The following WASHC4 variants were observed in gnomAD, a reference collection of about 807,000 sequenced individuals.
WASHC4 encodes the protein WASH complex subunit 7.
WASHC4 carries 86 observed loss-of-function variants against 166.6 expected under a neutral mutation model. The ratio of observed to expected loss-of-function variants is 0.52; its 90% confidence interval spans 0.43 to 0.62. WASHC4 has a LOEUF of 0.62. Among genes scored for constraint, WASHC4 ranks in the 20% least tolerant of loss-of-function variants. WASHC4 has a pLI of 0.00. For synonymous variants in WASHC4, 446 were observed against 451.6 expected (o/e 0.99, Z 0.16); for missense variants, 1,262 against 1,382.4 (o/e 0.91, Z 1.38).
At position 105,114,427 on chromosome 12, in the gene WASHC4, G is replaced by T; in HGVS notation, c.321G>T (p.Glu107Asp). 6.4e-7 allele frequency: 1 copy of T among 1,565,966 alleles called. No homozygotes were observed. Among genetic ancestry groups the T allele is most frequent in the South Asian group, 1.1e-5 (1 of 87,848 alleles). Residue 107 changes from glutamate (E) to aspartate (D), a missense_variant and splice_region_variant, in exon 4 of 33, where the codon GAG becomes GAT. Physicochemically the swap from Glu to Asp is conservative, Grantham distance 45. Transcript: ENST00000332180. ...LCCEIKKLKY[E>D]AETKFYNGLL... Reference sequence around the variant, plus strand: ...GTGAAATCAAGAAATTAAAATATGAGGTAATTATTTGAATTCTTGTCTTAA... The same window carrying T: ...GTGAAATCAAGAAATTAAAATATGATGTAATTATTTGAATTCTTGTCTTAA...
At chr12:105,119,609 C>T (rs1469980544) in intron 7 of WASHC4, among the ~76,000 whole-genome samples, 1 of 152,122 alleles carries the variant, frequency 6.6e-6, no homozygotes, top group East Asian at 1.9e-4. Flanking sequence ...GCTCTCATGG[C>T]AGGAGAGAAT....
chr12:105,122,280 T>C (rs1477015842), intron 10 of WASHC4, 42 bp downstream of exon 10: 1 of 1,597,452 alleles, frequency 6.3e-7, no homozygotes, highest in Admixed American at 1.7e-5. Flanking sequence ...GGGCTCATAT[T>C]AGACGACAAA....
rs913447477 is a variant in WASHC4 at position 105,167,853 on chromosome 12, T to TA, written c.*929dup. 5 of 152,608 alleles carry TA rather than the reference T, an allele frequency of 3.3e-5. No individual in the cohort carries two copies. Among genetic ancestry groups the TA allele is most frequent in the Admixed American group, 2.6e-4 (4 of 15,282 alleles). 9.5% of individuals were successfully genotyped at this position (152,608 alleles called of 1,614,324 possible). A position where few individuals can be genotyped will look rare whatever the true frequency, so the allele number is the denominator to read the frequency against. On this transcript the variant is annotated 3_prime_UTR_variant, in exon 33 of 33. Coordinates refer to ENST00000332180, the MANE Select transcript of WASHC4 (RefSeq NM_015275.3). ...TAAATAATTACACTGTTCAGGCTTT[T>TA]AAAAAAATACCACTGTGAGAATAAA...
chr12:105,109,649 CTTTTTTTT>C (rs36080234), intron 1 of WASHC4, among the ~76,000 whole-genome samples: 2 of 97,624 alleles, frequency 2.0e-5, no homozygotes, highest in East Asian at 2.8e-4. Flanking sequence ...CTAGCATTGT[CTTTTTTTT>C]TTTTTTTTTT....
intron 28 of WASHC4, among the ~76,000 whole-genome samples, chr12:105,159,733 C>T (rs1319636898): frequency 1.3e-5 from 2 of 152,124 alleles, no homozygotes; most frequent in African/African-American, 4.8e-5. Context: ...GTTCTACAGG[C>T]CTCACTGTGG....
chr12:105,118,796 A>G (rs1880440682), intron 7 of WASHC4, among the ~76,000 whole-genome samples: 1 of 152,170 alleles, frequency 6.6e-6, no homozygotes, highest in Admixed American at 6.5e-5. Flanking sequence ...ACATGGAATT[A>G]GTACATGTTC....
intron 13 of WASHC4, among the ~76,000 whole-genome samples, chr12:105,132,862 T>A (rs1486738605): frequency 6.6e-6 from 1 of 151,056 alleles, no homozygotes; most frequent in Non-Finnish European, 1.5e-5. Context: ...TGTCATGTAG[T>A]AAGCATTCAA....
At chr12:105,145,629 G>A (rs1168868540) in intron 22 of WASHC4, among the ~76,000 whole-genome samples, 1 of 152,034 alleles carries the variant, frequency 6.6e-6, no homozygotes, top group South Asian at 2.1e-4. Context: ...GGAATACAAA[G>A]ATAAATATAA....
At position 105,166,952 on chromosome 12, in the gene WASHC4, C is replaced by T. The variant is rs1404970892; in HGVS notation, c.*21C>T. 2 of 1,517,316 alleles carry T rather than the reference C, an allele frequency of 1.3e-6. No individual in the cohort carries two copies. The highest frequency in any genetic ancestry group is 1.1e-5 in the South Asian group (1 of 89,322). The allele number at this position is 1,517,316 out of a possible 1,614,324, so 94.0% of individuals were successfully genotyped here. A position where few individuals can be genotyped will look rare whatever the true frequency, so the allele number is the denominator to read the frequency against. On this transcript the variant is annotated 3_prime_UTR_variant, in exon 33 of 33. Transcript: ENST00000332180. ...AATGATACGGATGGTATTCACTGCA[C>T]ATATGATGAAATCATCAGAATTGTT...
chr12:105,141,698 GCTTT>G (rs1454133713), intron 18 of WASHC4, among the ~76,000 whole-genome samples: 1 of 152,078 alleles, frequency 6.6e-6, no homozygotes, highest in Non-Finnish European at 1.5e-5. Flanking sequence ...GCTCCTTCTG[GCTTT>G]CTTGTTTTCT....
chr12:105,114,434 A>G lies in WASHC4; in HGVS notation c.321+7A>G. On this transcript the variant is annotated splice_region_variant and intron_variant, in intron 4 of 32. Transcript: ENST00000332180. ...CAAGAAATTAAAATATGAGGTAATT[A>G]TTTGAATTCTTGTCTTAAAACTTTA... 2 of 1,550,706 alleles carry G rather than the reference A, an allele frequency of 1.3e-6. No individual in the cohort carries two copies. The highest frequency in any genetic ancestry group is 1.8e-6 in the Non-Finnish European group (2 of 1,133,780).
At chr12:105,119,011 A>C (rs1880464512) in intron 7 of WASHC4, among the ~76,000 whole-genome samples, 1 of 152,246 alleles carries the variant, frequency 6.6e-6, no homozygotes, top group South Asian at 2.1e-4. Context: ...TATTTAAATT[A>C]AAAAAGGGAA....
chr12:105,115,224 A>G lies in WASHC4; in HGVS notation c.362A>G (p.Glu121Gly), dbSNP rs774909714. The part of the protein sequence containing the change: ...KFYNGLLFYG[E>G]GATDASMVEG... ...TACAATGGTCTCTTGTTTTATGGAG[A>G]AGGAGGTAAGTTTAAAATTCCAAAT... The change falls in exon 5 of 33, where the codon GAA (glutamate) becomes GGA (glycine). Residue 121 changes from glutamate (E) to glycine (G), a missense_variant. By Grantham distance (98) the Glu-to-Gly change is moderately conservative. Coordinates refer to ENST00000332180, the MANE Select transcript of WASHC4 (RefSeq NM_015275.3). 6.4e-7 allele frequency: 1 copy of G among 1,557,770 alleles called. No individual in the cohort carries two copies. The highest frequency in any genetic ancestry group is 8.9e-7 in the Non-Finnish European group (1 of 1,129,712).
chr12:105,139,425 G>GTGTGTGTGTATATA, intron 15 of WASHC4, among the ~76,000 whole-genome samples: 41 of 103,220 alleles, frequency 4.0e-4, no homozygotes, highest in African/African-American at 1.5e-3. Context: ...ATGTGTGTGT[G>GTGTGTGTGTATATA]TATATATATA....
chr12:105,146,715 A>G (rs1172792872), intron 23 of WASHC4, among the ~76,000 whole-genome samples, 189 bp downstream of exon 23: 8 of 152,106 alleles, frequency 5.3e-5, no homozygotes. Flanking sequence ...TTAGGACAAG[A>G]AGTGTTTTGG....
At position 105,122,214 on chromosome 12, in the gene WASHC4, A is replaced by G. The variant is rs767720569; in HGVS notation, c.762A>G (p.Gln254=). The stretch of plus-strand genomic sequence containing the variant: ...AGTTCTTGCTGAAGCTAGAAGGGCA[A>G]TTACTGGATGGAATGATATTCCAGG... The part of the protein sequence containing the change: ...FEKFLLKLEG[Q]LLDGMIFQAC... The change falls in exon 10 of 33, where the codon CAA becomes CAG. Residue 254 remains glutamine, a synonymous_variant. Transcript: ENST00000332180. The G allele has an allele frequency of 2.4e-5, 39 of 1,612,760 alleles. 1 individual carries two copies. The East Asian group carries it at 5.1e-4, about 21-fold the overall frequency.
chr12:105,158,424 G>A (rs1209446595), intron 28 of WASHC4, among the ~76,000 whole-genome samples: 3 of 152,158 alleles, frequency 2.0e-5, no homozygotes, highest in Non-Finnish European at 1.5e-5. Context: ...TTGATGCAAT[G>A]TAATGTCAAG....
rs75450599 is a variant in WASHC4, at chr12:105,162,586, G to A, written c.3061-163G>A. 7.2e-3 allele frequency among the ~76,000 whole-genome samples: 1,094 copies of A among 152,222 alleles called. 6 individuals are homozygous for A. The highest frequency in any genetic ancestry group is 0.012 in the Non-Finnish European group (834 of 67,994). On this transcript the variant is annotated intron_variant, in intron 29 of 32. Coordinates refer to ENST00000332180, the MANE Select transcript of WASHC4 (RefSeq NM_015275.3). ...TGTATAGATTGTATCTTCACCAAGA[G>A]GGTACCTAAGGCAAATGTTTCAGAT...
chr12:105,153,174 A>G (rs1215869838), intron 26 of WASHC4, among the ~76,000 whole-genome samples: 1 of 152,192 alleles, frequency 6.6e-6, no homozygotes, highest in Non-Finnish European at 1.5e-5. Flanking sequence ...GTTTATATTA[A>G]CACCAAACAG....
Sources: gnomAD v4.1 joint callset for allele counts (sites outside exome capture counted in the v4.1 genomes callset) on GRCh38, gnomAD v4.1.1 for gene constraint, MANE v1.5 for transcripts, NCBI Gene and HGNC (gene_info 2026-07-23, HGNC 2026-07-21) for gene names.